Variants in NEDD9 observed in about 807,000 individuals in gnomAD.
NEDD9 encodes enhancer of filamentation 1.
NEDD9 carries 26 observed loss-of-function variants against 76.6 expected under a neutral mutation model. That is an observed-to-expected ratio of 0.34 (90% CI 0.25 to 0.47). NEDD9 has a LOEUF of 0.47. Among genes scored for constraint, NEDD9 ranks in the 20% least tolerant of loss-of-function variants. The probability of loss-of-function intolerance (pLI) is 1.00; values close to 1 mark genes in which losing one functional copy is unlikely to be tolerated. For synonymous variants in NEDD9, 392 were observed against 414.2 expected (o/e 0.95, Z 0.65); for missense variants, 937 against 1,058.5 (o/e 0.89, Z 1.59).
At position 11,370,737 on chromosome 6, in the gene NEDD9, C is replaced by A. The variant is rs1376241867; in HGVS notation, c.-214+11402G>T. On this transcript the variant is annotated intron_variant, in intron 1 of 3. Coordinates refer to the NEDD9 transcript ENST00000397378. This position sits in a 1 kb window ranked among gnomAD's most constrained non-coding sequence, Gnocchi z 4.2. ...CCTTCAGCAGATGTCCCTCCAGCAC[C>A]TCCCATGTGCCAAGAACACAGCAGG... Among the ~76,000 whole-genome samples, 1 of 152,228 alleles carries A rather than the reference C, an allele frequency of 6.6e-6. No individual in the cohort carries two copies. The highest frequency in any genetic ancestry group is 1.5e-5 in the Non-Finnish European group (1 of 68,044).
chr6:11,361,215 C>T (rs1194825525), intron 1 of NEDD9, among the ~76,000 whole-genome samples: 1 of 152,106 alleles, frequency 6.6e-6, no homozygotes, highest in African/African-American at 2.4e-5. Context: ...GATGGGGGCT[C>T]TGGTTAAAGT....
At chr6:11,226,423 A>G (rs1012593261) in intron 1 of NEDD9, among the ~76,000 whole-genome samples, 1 of 152,208 alleles carries the variant, frequency 6.6e-6, no homozygotes, top group Admixed American at 6.5e-5. Flanking sequence ...AATTCAGCCT[A>G]TATGTTCTTG....
intron 3 of NEDD9, among the ~76,000 whole-genome samples, chr6:11,269,811 AAAACAAACAAAC>A (rs111917493): frequency 1.3e-5 from 2 of 151,788 alleles, no homozygotes; most frequent in African/African-American, 4.9e-5. Context: ...AAACCATTAA[AAAACAAACAAAC>A]AAACAAACAA....
At chr6:11,280,072 T>C (rs114431484) in intron 3 of NEDD9, among the ~76,000 whole-genome samples, 99 of 152,278 alleles carry the variant, frequency 6.5e-4, no homozygotes, top group African/African-American at 2.1e-3. Flanking sequence ...CCTTGTGCAT[T>C]ATAGGATGTT....
At chr6:11,281,862 C>T (rs200298053) in intron 3 of NEDD9, among the ~76,000 whole-genome samples, 2 of 152,248 alleles carry the variant, frequency 1.3e-5, no homozygotes, top group East Asian at 3.9e-4. Context: ...ATTCTTGTGC[C>T]TCAGCATCCT....
intron 2 of NEDD9, among the ~76,000 whole-genome samples, chr6:11,308,083 T>G (rs1314044146): frequency 6.6e-6 from 1 of 152,136 alleles, no homozygotes; most frequent in African/African-American, 2.4e-5. Flanking sequence ...CCTTAAGTCC[T>G]TATTCCTGAC....
At chr6:11,208,757 A>G (rs1758686137) in intron 2 of NEDD9, among the ~76,000 whole-genome samples, 1 of 152,256 alleles carries the variant, frequency 6.6e-6, no homozygotes, top group Non-Finnish European at 1.5e-5. Flanking sequence ...TCAGAGAAGC[A>G]CATATAATTT....
rs73366824 is a variant in NEDD9, at chr6:11,341,042, C to T, written c.-213-6481G>A. Among the ~76,000 whole-genome samples, 1,267 of 152,260 alleles carry T rather than the reference C, an allele frequency of 8.3e-3. 18 individuals are homozygous for T. The highest frequency in any genetic ancestry group is 0.027 in the African/African-American group (1,126 of 41,546). ...GCCTCCCACCCTTTCCATTGACGTC[C>T]CCCTGTTTGAAACTCTCTTCCCCTA... On this transcript the variant is annotated intron_variant, in intron 1 of 3. Transcript: ENST00000397378.
At chr6:11,195,102 C>G (rs926908114) in intron 2 of NEDD9, among the ~76,000 whole-genome samples, 1 of 152,244 alleles carries the variant, frequency 6.6e-6, no homozygotes, top group African/African-American at 2.4e-5. Context: ...GTGAAAAATG[C>G]TCCACGTCCA....
intron 1 of NEDD9, among the ~76,000 whole-genome samples, chr6:11,377,498 GTTTCAGATTTGTGTGGGGCCCCTATACCC>G: frequency 6.6e-6 from 1 of 152,338 alleles, no homozygotes; most frequent in Middle Eastern, 3.4e-3. Flanking sequence ...ACCCTGCTAG[GTTTCAGATTTGTGTGGGGCCCCTATACCC>G]TTTCTTTTGG....
intron 2 of NEDD9, among the ~76,000 whole-genome samples, chr6:11,205,020 C>T (rs182653476): frequency 8.5e-5 from 13 of 152,300 alleles, no homozygotes; most frequent in South Asian, 4.2e-4. Context: ...TATGATTTAG[C>T]GCCCAAATTG....
intron 1 of NEDD9, among the ~76,000 whole-genome samples, chr6:11,359,843 G>T (rs571945628): frequency 2.6e-5 from 4 of 152,304 alleles, no homozygotes; most frequent in Admixed American, 6.5e-5. Flanking sequence ...CCATTTTGTT[G>T]CCAGATAGCA....
intron 1 of NEDD9, among the ~76,000 whole-genome samples, chr6:11,378,367 C>G (rs1763003309): frequency 6.6e-6 from 1 of 152,164 alleles, no homozygotes; most frequent in Non-Finnish European, 1.5e-5. Context: ...GAGGCCTCAC[C>G]AGAAGCAGAT....
Position 11,232,639 on chromosome 6 carries a change from T to G in NEDD9, c.-124A>C, listed in dbSNP as rs1309723373. 1.3e-6 allele frequency: 2 copies of G among 1,575,108 alleles called. No homozygotes were observed. The highest frequency in any genetic ancestry group is 1.8e-5 in the Admixed American group (1 of 56,022). ...CGAGAAGGTCCCGGGCAGAGCCGCT[T>G]GTCAGTCGCAGCGCCTCCCTCAAGT... On this transcript the variant is annotated 5_prime_UTR_variant, in exon 1 of 7. Coordinates refer to ENST00000379446, the MANE Select transcript of NEDD9 (RefSeq NM_006403.4).
rs1757943934 is a variant in NEDD9, at chr6:11,185,173, C to G, written c.2494G>C (p.Ala832Pro). The change falls in exon 7 of 7, where the codon GCA becomes CCA. Residue 832 changes from alanine to proline, a missense_variant. Transcript: ENST00000379446. ...TCTTTTTTTTCTTCTCAGAACGTTG[C>G]CATCTCCAGCAAAGAGCGCTTGAAC... ...QLFKRSLLEM[A>P]TF is the part of the protein sequence containing the mutation. 1 of 1,609,198 alleles carries G rather than the reference C, an allele frequency of 6.2e-7. No individual in the cohort carries two copies. Among genetic ancestry groups the G allele is most frequent in the South Asian group, 1.1e-5 (1 of 91,022 alleles).
Position 11,264,855 on chromosome 6 carries a change from C to CTGTTTGTTTGTT in NEDD9, c.12+41125_12+41136dup, listed in dbSNP as rs748613420. 9.3e-3 allele frequency among the ~76,000 whole-genome samples: 1,337 copies of CTGTTTGTTTGTT among 143,646 alleles called. 14 individuals are homozygous for CTGTTTGTTTGTT. The highest frequency in any genetic ancestry group is 0.033 in the African/African-American group (1,226 of 36,694). The allele number at this position is 143,646 out of a possible 152,430, so 94.2% of individuals were successfully genotyped here. ...ATAACTTCAGCTCTTTTAAGTTTTT[C>CTGTTTGTTTGTT]TGTTTGTTTGTTTGTTTCTTTTTTA... On this transcript the variant is annotated intron_variant, in intron 3 of 3. Coordinates refer to the NEDD9 transcript ENST00000397378.
chr6:11,188,251 C>G lies in NEDD9; in HGVS notation c.1962G>C (p.Met654Ile), dbSNP rs776072884. 1.2e-6 allele frequency: 2 copies of G among 1,614,174 alleles called. No homozygotes were observed. The change falls in exon 6 of 7, where the codon ATG becomes ATC. Residue 654 changes from methionine (M) to isoleucine (I), a missense_variant. Transcript: ENST00000379446. ...GTTCCAGCTGCATCTTGTTCTGTTTCATGATATTCTCTTTTTCCAATAGCT... is the reference window on the plus strand; with the variant it reads ...GTTCCAGCTGCATCTTGTTCTGTTTGATGATATTCTCTTTTTCCAATAGCT... ...QKELLEKENI[M>I]KQNKMQLEHH...
intron 3 of NEDD9, among the ~76,000 whole-genome samples, chr6:11,243,673 T>C (rs192793316): frequency 1.2e-4 from 18 of 152,202 alleles, no homozygotes; most frequent in Admixed American, 2.0e-4. Flanking sequence ...TCTACTTCTC[T>C]TGCCAATGTG....
At chr6:11,332,532 A>G (rs548887501) in intron 2 of NEDD9, among the ~76,000 whole-genome samples, 1 of 152,326 alleles carries the variant, frequency 6.6e-6, no homozygotes, top group African/African-American at 2.4e-5. Flanking sequence ...TGCACGTGCC[A>G]TGCCTTCATT....
Sources: gnomAD v4.1 joint callset for allele counts (sites outside exome capture counted in the v4.1 genomes callset) on GRCh38, gnomAD v4.1.1 for gene constraint, Gnocchi (gnomAD v3.1) non-coding constraint, MANE v1.5 for transcripts, NCBI Gene and HGNC (gene_info 2026-07-23, HGNC 2026-07-21) for gene names.